AKAP12: variants seen among roughly 807,000 people sequenced by gnomAD.
AKAP12 encodes the protein A-kinase anchor protein 12.
In AKAP12, 32 loss-of-function variants were observed where a neutral mutation model predicts 79.9. That is an observed-to-expected ratio of 0.40 (90% CI 0.30 to 0.54). The LOEUF is 0.54. Among genes scored for constraint, AKAP12 ranks in the 20% least tolerant of loss-of-function variants. The pLI, the probability that AKAP12 is intolerant of heterozygous loss-of-function variation, is 0.48. For missense variants in AKAP12, 2,074 were observed against 2,177.0 expected (o/e 0.95, Z 0.94); for synonymous variants, 808 against 857.0 (o/e 0.94, Z 1.00).
chr6:151,338,185 T>A (rs1437556617), intron 3 of AKAP12, among the ~76,000 whole-genome samples: 1 of 152,240 alleles, frequency 6.6e-6, no homozygotes. Context: ...TACATTTACG[T>A]TATTACAGAA....
intron 2 of AKAP12, among the ~76,000 whole-genome samples, chr6:151,296,226 C>G (rs1193359652): frequency 6.6e-6 from 1 of 152,156 alleles, no homozygotes; most frequent in Non-Finnish European, 1.5e-5. Flanking sequence ...TTAGAGATCA[C>G]TACAATCATG....
chr6:151,324,810 C>T (rs1318143029), intron 3 of AKAP12: 71 of 985,248 alleles, frequency 7.2e-5, no homozygotes, highest in Non-Finnish European at 8.2e-5. Context: ...ATTCGTCACT[C>T]GTGTCTTTAC....
At chr6:151,313,286 G>A (rs964557676) in intron 3 of AKAP12, among the ~76,000 whole-genome samples, 4 of 152,162 alleles carry the variant, frequency 2.6e-5, no homozygotes, top group East Asian at 1.9e-4. Flanking sequence ...GTGCCCAATA[G>A]ATAAAGAGAG....
At chr6:151,258,393 G>A (rs1797344665) in intron 2 of AKAP12, among the ~76,000 whole-genome samples, 1 of 152,188 alleles carries the variant, frequency 6.6e-6, no homozygotes, top group Admixed American at 6.5e-5. Flanking sequence ...TTCAGCATTG[G>A]AGAAGAACTT....
chr6:151,337,616 C>T (rs1777851600), intron 3 of AKAP12, among the ~76,000 whole-genome samples: 1 of 152,036 alleles, frequency 6.6e-6, no homozygotes, highest in Non-Finnish European at 1.5e-5. Context: ...TCAGATTCAC[C>T]TATCCCAAAT....
chr6:151,352,976 G>C lies in AKAP12; in HGVS notation c.4585G>C (p.Ala1529Pro), dbSNP rs766441401. The stretch of plus-strand genomic sequence containing the variant: ...TTGCCAGGAGGTCAAAGTGAGTGTA[G>C]CAATTGAGGATTTAGAGCCTGAAAA... ...VACQEVKVSVAIEDLEPENGI... is the reference protein window; with the variant it reads ...VACQEVKVSVPIEDLEPENGI... The change falls in exon 4 of 5, where the codon GCA becomes CCA. Residue 1529 changes from alanine to proline, a missense_variant. Coordinates refer to ENST00000402676, the MANE Select transcript of AKAP12 (RefSeq NM_005100.4). The C allele has an allele frequency of 4.6e-6, 7 of 1,512,172 alleles. No individual in the cohort carries two copies. The highest frequency in any genetic ancestry group is 6.2e-6 in the Non-Finnish European group (7 of 1,129,462). 93.7% of individuals were successfully genotyped at this position (1,512,172 alleles called of 1,614,324 possible).
chr6:151,348,680 T>TTGGGGGGGGGGGGGGG, intron 3 of AKAP12, 31 bp from the exon 4 acceptor site: 5 of 355,202 alleles, frequency 1.4e-5, no homozygotes, highest in Non-Finnish European at 2.7e-5. Flanking sequence ...TTTTCTCTTC[T>TTGGGGGGGGGGGGGGG]CCCCACCCCC....
chr6:151,277,311 A>C (rs1228043311), intron 2 of AKAP12, among the ~76,000 whole-genome samples: 5 of 152,208 alleles, frequency 3.3e-5, no homozygotes, highest in Non-Finnish European at 5.9e-5. Context: ...TTGATTTAAA[A>C]GACAGCCTGG....
chr6:151,241,179 C>T (rs1355691310), intron 2 of AKAP12, among the ~76,000 whole-genome samples: 2 of 152,184 alleles, frequency 1.3e-5, no homozygotes, highest in Non-Finnish European at 2.9e-5. Context: ...GCCGGGGAGC[C>T]CAGCCACCCT....
chr6:151,302,212 A>G (rs543797059), intron 2 of AKAP12, among the ~76,000 whole-genome samples: 5 of 152,088 alleles, frequency 3.3e-5, no homozygotes, highest in Non-Finnish European at 5.9e-5. Flanking sequence ...GGGTTTCACC[A>G]TGTTAGCCAG....
At position 151,327,591 on chromosome 6, in the gene AKAP12, A is replaced by T. The variant is rs372896961; in HGVS notation, c.320-21120A>T. On this transcript the variant is annotated intron_variant, in intron 3 of 4. Transcript: ENST00000402676. The stretch of plus-strand genomic sequence containing the variant: ...ACTATTCAATTAGTCGCATACTGAG[A>T]TTCCTATGGTAAAAGGAGGTGGTCT... Among the ~76,000 whole-genome samples, 253 of 152,284 alleles carry T rather than the reference A, an allele frequency of 1.7e-3. 2 individuals carry two copies. Among genetic ancestry groups the T allele is most frequent in the African/African-American group, 5.3e-3 (220 of 41,568 alleles).
intron 2 of AKAP12, among the ~76,000 whole-genome samples, chr6:151,243,406 T>C (rs1582827234): frequency 6.6e-6 from 1 of 152,384 alleles, no homozygotes; most frequent in East Asian, 1.9e-4. Flanking sequence ...TTCCTTTTTT[T>C]CTGCTAGTTT....
intron 2 of AKAP12, among the ~76,000 whole-genome samples, chr6:151,247,800 G>A (rs1176141198): frequency 6.6e-6 from 1 of 152,178 alleles, no homozygotes; most frequent in Admixed American, 6.5e-5. Flanking sequence ...TAACTGGATG[G>A]TATACATGGA....
At chr6:151,325,117 T>G (rs899838816) in intron 3 of AKAP12, 22 of 985,176 alleles carry the variant, frequency 2.2e-5, no homozygotes, top group Middle Eastern at 1.0e-3. Context: ...TCTCAAAGAG[T>G]TTAGGAAACA....
chr6:151,341,733 C>T (rs1380630587), intron 3 of AKAP12: 4 of 1,276,102 alleles, frequency 3.1e-6, no homozygotes, highest in Non-Finnish European at 2.0e-6. Context: ...GCAGCGATGG[C>T]GGACACGGAA....
intron 3 of AKAP12, chr6:151,348,324 CAAA>C (rs3029381): frequency 0.051 from 19,131 of 373,376 alleles, 36 homozygotes; most frequent in African/African-American, 0.068. Context: ...GACTCTGTCT[CAAA>C]AAAAAAAAAA....
intron 2 of AKAP12, among the ~76,000 whole-genome samples, chr6:151,245,128 T>A (rs980700576): frequency 6.6e-6 from 1 of 152,204 alleles, no homozygotes; most frequent in South Asian, 2.1e-4. Flanking sequence ...TTATTTATTT[T>A]CCTTTGTCTT....
At chr6:151,323,834 G>C (rs1777459524) in intron 3 of AKAP12, 1 of 985,388 alleles carries the variant, frequency 1.0e-6, no homozygotes, top group African/African-American at 1.7e-5. Context: ...TTCAGAAGTG[G>C]CACCAGATGA....
intron 4 of AKAP12, among the ~76,000 whole-genome samples, chr6:151,355,204 G>A (rs1778412261): frequency 6.6e-6 from 1 of 151,056 alleles, no homozygotes; most frequent in Non-Finnish European, 1.5e-5. Context: ...CCCCAGGATG[G>A]TCTTGAACTC....
Sources: allele counts gnomAD v4.1 joint callset (sites outside exome capture counted in the v4.1 genomes callset), GRCh38; gene constraint gnomAD v4.1.1; transcripts MANE v1.5; gene names NCBI Gene and HGNC (gene_info 2026-07-23, HGNC 2026-07-21).